Variants in ANKHD1 observed in about 807,000 individuals in gnomAD.
ANKHD1 encodes ankyrin repeat and KH domain-containing protein 1.
A neutral mutation model predicts 230.5 loss-of-function variants in ANKHD1; 31 were observed. The observed-to-expected ratio is 0.13, with a 90% CI of 0.10 to 0.18. The LOEUF (loss-of-function observed/expected upper bound fraction) is 0.18. ANKHD1 is among the 10% of genes least tolerant of loss of function. ANKHD1 has a pLI of 1.00. For missense variants in ANKHD1, 2,256 were observed against 3,071.3 expected, an observed-to-expected ratio of 0.73 and a Z score of 6.27; for synonymous variants, 1,074 against 1,117.6, an observed-to-expected ratio of 0.96 and a Z score of 0.78.
At chr5:140,448,564 C>T (rs1774463810) in intron 6 of ANKHD1, among the ~76,000 whole-genome samples, 1 of 152,082 alleles carries the variant, frequency 6.6e-6, no homozygotes, top group South Asian at 2.1e-4. Flanking sequence ...TTTTATCATT[C>T]TTTTTAATAT....
chr5:140,474,819 T>C (rs1400413230), intron 10 of ANKHD1, among the ~76,000 whole-genome samples: 1 of 152,020 alleles, frequency 6.6e-6, no homozygotes, highest in Non-Finnish European at 1.5e-5. Context: ...ACTTGTAGTG[T>C]ATTTTTTATA....
At chr5:140,426,577 A>T (rs1772435580) in intron 1 of ANKHD1, among the ~76,000 whole-genome samples, 1 of 151,690 alleles carries the variant, frequency 6.6e-6, no homozygotes, top group Admixed American at 6.6e-5. Flanking sequence ...GGGATTTGGC[A>T]GGGTCACAGG....
intron 1 of ANKHD1, among the ~76,000 whole-genome samples, chr5:140,419,011 A>C (rs191680645): frequency 2.3e-3 from 343 of 152,346 alleles, no homozygotes; most frequent in African/African-American, 7.6e-3. Flanking sequence ...AGTTATAGGC[A>C]TGAGCCATCA....
chr5:140,428,108 T>C (rs1376707833), intron 1 of ANKHD1, among the ~76,000 whole-genome samples: 1 of 145,796 alleles, frequency 6.9e-6, no homozygotes, highest in Non-Finnish European at 1.5e-5. Flanking sequence ...CCTCACTTCC[T>C]AGATGGGATG....
chr5:140,539,174 C>T (rs1372329635), intron 33 of ANKHD1, 91 bp downstream of exon 33: 2 of 1,512,656 alleles, frequency 1.3e-6, no homozygotes, highest in Non-Finnish European at 1.8e-6. Context: ...TATCAAAAGT[C>T]ATAATTGACC....
chr5:140,443,400 C>A (rs934638755), intron 5 of ANKHD1, among the ~76,000 whole-genome samples: 11 of 150,800 alleles, frequency 7.3e-5, no homozygotes, highest in African/African-American at 2.7e-4. Flanking sequence ...GAAAAATACC[C>A]AAAAAAAAGG....
At chr5:140,445,528 G>A (rs1003395956) in intron 5 of ANKHD1, among the ~76,000 whole-genome samples, 3 of 150,884 alleles carry the variant, frequency 2.0e-5, no homozygotes, top group Non-Finnish European at 4.4e-5. Context: ...GAAAATTAAG[G>A]TGATGCTTCT....
rs137959185 is a variant in ANKHD1 at position 140,425,169 on chromosome 5, T to C, written c.307-10935T>C. Among the ~76,000 whole-genome samples, 70 of 152,358 alleles carry C rather than the reference T, an allele frequency of 4.6e-4. 1 individual carries two copies. Among genetic ancestry groups the C allele is most frequent in the African/African-American group, 1.6e-3 (66 of 41,596 alleles). ...CAAAGTGGGGATAATTTTCTTCAGC[T>C]TTAACTTAGATTTAGGAAAAGCATG... On this transcript the variant is annotated intron_variant, in intron 1 of 33. Coordinates refer to ENST00000360839, the MANE Select transcript of ANKHD1 (RefSeq NM_017747.3).
chr5:140,419,960 C>G (rs1250406465), intron 1 of ANKHD1, among the ~76,000 whole-genome samples: 1 of 5,160 alleles, frequency 1.9e-4, no homozygotes, highest in African/African-American at 7.7e-4. Context: ...CCTCCCCTCC[C>G]CTCCCCTCCC....
chr5:140,519,511 T>G (rs1404243285), intron 24 of ANKHD1, among the ~76,000 whole-genome samples: 2 of 152,212 alleles, frequency 1.3e-5, no homozygotes, highest in Middle Eastern at 3.2e-3. Context: ...GGCATCACAC[T>G]ACCTGACTTC....
chr5:140,519,628 T>C (rs1465243777), intron 24 of ANKHD1, among the ~76,000 whole-genome samples: 3 of 152,116 alleles, frequency 2.0e-5, no homozygotes, highest in African/African-American at 7.2e-5. Context: ...ACGCCGCATG[T>C]CTACAACTAT....
intron 20 of ANKHD1, among the ~76,000 whole-genome samples, chr5:140,509,026 T>C (rs1049249063): frequency 2.0e-5 from 3 of 152,190 alleles, no homozygotes; most frequent in African/African-American, 7.2e-5. Context: ...AAATTCCTTT[T>C]ACTTCTTAAA....
At chr5:140,456,351 AAAAAACT>A (rs1775190455) in intron 7 of ANKHD1, among the ~76,000 whole-genome samples, 1 of 152,192 alleles carries the variant, frequency 6.6e-6, no homozygotes, top group Admixed American at 6.5e-5. Context: ...ACAGAATTGG[AAAAAACT>A]ACTTTAAAGT....
intron 7 of ANKHD1, among the ~76,000 whole-genome samples, chr5:140,453,301 C>A (rs1774897621): frequency 1.3e-5 from 2 of 152,236 alleles, no homozygotes; most frequent in African/African-American, 4.8e-5. Flanking sequence ...AGGATGTTAT[C>A]CAGGAGAACC....
intron 7 of ANKHD1, among the ~76,000 whole-genome samples, chr5:140,456,910 G>T (rs558384345): frequency 6.6e-6 from 1 of 152,122 alleles, no homozygotes; most frequent in Non-Finnish European, 1.5e-5. Context: ...TACCATCAGA[G>T]GGAACAGGCA....
chr5:140,427,441 C>G (rs1230257307), intron 1 of ANKHD1, among the ~76,000 whole-genome samples: 1 of 130,080 alleles, frequency 7.7e-6, no homozygotes, highest in Non-Finnish European at 1.6e-5. Flanking sequence ...CAACCTCTCT[C>G]CCGGACGGGG....
At chr5:140,458,598 T>C (rs1561753569) in intron 7 of ANKHD1, 27 bp from the exon 8 acceptor site, 2 of 1,571,614 alleles carry the variant, frequency 1.3e-6, no homozygotes, top group Non-Finnish European at 1.7e-6. Flanking sequence ...TTTCTCTCCT[T>C]CTTTCTTTAC....
At position 140,442,887 on chromosome 5, in the gene ANKHD1, T is replaced by C. The variant is rs529383308; in HGVS notation, c.913+1745T>C. ...GTGCAATTTTGTTTGACTTCACTTA[T>C]TTTCTATTTTATTAACTTTTTTTTT... On this transcript the variant is annotated intron_variant, in intron 5 of 33. Coordinates refer to ENST00000360839, the MANE Select transcript of ANKHD1 (RefSeq NM_017747.3). Among the ~76,000 whole-genome samples, 4 of 152,174 alleles carry C rather than the reference T, an allele frequency of 2.6e-5. No homozygotes were observed. The East Asian group carries it at 7.7e-4, about 29-fold the overall frequency.
At chr5:140,447,559 A>G (rs72798878) in intron 6 of ANKHD1, among the ~76,000 whole-genome samples, 2,334 of 152,274 alleles carry the variant, frequency 0.015, 39 homozygotes, top group Non-Finnish European at 0.019. Flanking sequence ...CTATTTCACT[A>G]TTTCATTTAG....
Sources: gnomAD v4.1 joint callset for allele counts (sites outside exome capture counted in the v4.1 genomes callset) on GRCh38, gnomAD v4.1.1 for gene constraint, MANE v1.5 for transcripts, NCBI Gene and HGNC (gene_info 2026-07-23, HGNC 2026-07-21) for gene names.